Variants in RIMBP2 observed in about 807,000 individuals in gnomAD.
RIMBP2 encodes the protein RIMS binding protein 2.
Under a neutral mutation model 118.6 loss-of-function variants are expected in RIMBP2, and 48 were observed. The observed-to-expected ratio is 0.40, with a 90% CI of 0.32 to 0.51. The LOEUF is 0.51. Ranked by LOEUF, RIMBP2 falls within the 20% of genes least tolerant of loss-of-function variation. The pLI, the probability that RIMBP2 is intolerant of heterozygous loss-of-function variation, is 0.41. For missense variants in RIMBP2, 1,551 were observed against 1,768.3 expected, an observed-to-expected ratio of 0.88 and a Z score of 2.20; for synonymous variants, 762 against 742.9, an observed-to-expected ratio of 1.03 and a Z score of -0.42.
chr12:130,406,996 C>T (rs1168717252), intron 20 of RIMBP2, among the ~76,000 whole-genome samples: 2 of 152,168 alleles, frequency 1.3e-5, no homozygotes, highest in African/African-American at 4.8e-5. Flanking sequence ...CCAAAGCAGG[C>T]GGTGTCAAAC....
intron 1 of RIMBP2, among the ~76,000 whole-genome samples, chr12:130,694,561 A>G (rs1337525642): frequency 6.6e-6 from 1 of 152,012 alleles, no homozygotes; most frequent in Non-Finnish European, 1.5e-5. Flanking sequence ...CTCCTGCCCA[A>G]GGCCTTCTCG....
intron 2 of RIMBP2, among the ~76,000 whole-genome samples, chr12:130,605,349 G>A (rs1374804830): frequency 6.6e-6 from 1 of 152,228 alleles, no homozygotes; most frequent in South Asian, 2.1e-4. Context: ...ATCACGCGGG[G>A]AAACCGTGTT....
chr12:130,411,500 C>G (rs982586530), intron 19 of RIMBP2, among the ~76,000 whole-genome samples: 1 of 152,108 alleles, frequency 6.6e-6, no homozygotes, highest in African/African-American at 2.4e-5. Context: ...GCAGGGGGCA[C>G]ATAGATATAT....
chr12:130,488,411 G>C (rs1258831949), intron 4 of RIMBP2, among the ~76,000 whole-genome samples: 1 of 151,946 alleles, frequency 6.6e-6, no homozygotes, highest in Non-Finnish European at 1.5e-5. Context: ...GGAAAAGATA[G>C]CTCAGTCAGG....
chr12:130,438,040 C>T (rs978059879), intron 12 of RIMBP2, among the ~76,000 whole-genome samples: 7 of 152,208 alleles, frequency 4.6e-5, no homozygotes, highest in East Asian at 1.9e-4. Context: ...TGGGTATCAT[C>T]GTGCTAAGAC....
At chr12:130,561,751 G>T (rs889642561) in intron 2 of RIMBP2, among the ~76,000 whole-genome samples, 16 of 152,258 alleles carry the variant, frequency 1.1e-4, no homozygotes, top group Non-Finnish European at 2.1e-4. Flanking sequence ...TGAACGCAGA[G>T]GCAGCCATCC....
Position 130,646,429 on chromosome 12 carries a change from C to CA in RIMBP2, c.-351-17974_-351-17973insT, listed in dbSNP as rs1225370098. Among the ~76,000 whole-genome samples the CA allele has an allele frequency of 1.6e-3, 203 of 124,314 alleles. 78 individuals carry two copies. The highest frequency in any genetic ancestry group is 2.3e-3 in the Non-Finnish European group (122 of 53,838). 81.6% of individuals were successfully genotyped at this position (124,314 alleles called of 152,430 possible). On this transcript the variant is annotated intron_variant, in intron 1 of 22. Transcript: ENST00000690449. ...TCTCCACCTCCCTCACCACTTCCCT[C>CA]TCCACCTCCCTTGCCACCTCCCTCG... is the stretch of plus-strand genomic sequence containing the variant.
chr12:130,472,240 C>G (rs2081070515), intron 5 of RIMBP2: 1 of 152,242 alleles, frequency 6.6e-6, no homozygotes, highest in Non-Finnish European at 1.5e-5. Context: ...TTTGGGTTTT[C>G]TGTCGCTTGA....
intron 2 of RIMBP2, among the ~76,000 whole-genome samples, chr12:130,542,757 G>A (rs867635275): frequency 5.3e-5 from 8 of 152,278 alleles, no homozygotes; most frequent in South Asian, 4.1e-4. Flanking sequence ...TTCAACCTCC[G>A]GGAAAATGAA....
At chr12:130,514,599 G>A (rs1368103905) in intron 3 of RIMBP2, among the ~76,000 whole-genome samples, 1 of 152,154 alleles carries the variant, frequency 6.6e-6, no homozygotes, top group Non-Finnish European at 1.5e-5. Flanking sequence ...TTTAGTCGTA[G>A]GAAGAAAGCC....
rs144197823 is a variant in RIMBP2, at chr12:130,581,591, C to G, written c.-217+46731G>C. Among the ~76,000 whole-genome samples the G allele has an allele frequency of 5.3e-5, 8 of 152,228 alleles. No homozygotes were observed. The highest frequency in any genetic ancestry group is 8.8e-5 in the Non-Finnish European group (6 of 68,040). ...AGTAGGTGGCAATTCCAGGCTCTCGCGGCTCAGGCCTCAGACCTGTCGCCT... is the reference window on the plus strand; with the variant it reads ...AGTAGGTGGCAATTCCAGGCTCTCGGGGCTCAGGCCTCAGACCTGTCGCCT... On this transcript the variant is annotated intron_variant, in intron 2 of 22. Transcript: ENST00000690449. This position sits in a 1 kb window ranked among gnomAD's most constrained non-coding sequence, Gnocchi z 4.4.
intron 1 of RIMBP2, among the ~76,000 whole-genome samples, chr12:130,711,260 G>A (rs1406571198): frequency 2.6e-5 from 4 of 152,072 alleles, no homozygotes; most frequent in African/African-American, 9.7e-5. Context: ...AAAAAAAGAA[G>A]CTATCCAGCC....
chr12:130,450,112 A>G lies in RIMBP2; in HGVS notation c.581+88T>C. 1.2e-6 allele frequency: 1 copy of G among 836,162 alleles called. No individual in the cohort carries two copies. The highest frequency in any genetic ancestry group is 2.0e-6 in the Non-Finnish European group (1 of 511,964). 51.8% of individuals were successfully genotyped at this position (836,162 alleles called of 1,614,324 possible). ...TCTCCTCGTGCCCTGGGAGAAGGGA[A>G]CTTCTCAGACCCCAGAGTGTTCCCA... On this transcript the variant is annotated intron_variant, in intron 9 of 22. Coordinates refer to ENST00000690449, the MANE Select transcript of RIMBP2 (RefSeq NM_001393629.1). This position sits in a 1 kb window ranked among gnomAD's most constrained non-coding sequence, Gnocchi z 4.8.
intron 1 of RIMBP2, among the ~76,000 whole-genome samples, chr12:130,662,460 A>T (rs2063703818): frequency 6.6e-6 from 1 of 152,138 alleles, no homozygotes; most frequent in East Asian, 1.9e-4. Context: ...GATCGAGACC[A>T]TCCTGGCCAA....
At chr12:130,708,677 C>G (rs1474295256) in intron 1 of RIMBP2, among the ~76,000 whole-genome samples, 2 of 152,128 alleles carry the variant, frequency 1.3e-5, no homozygotes, top group African/African-American at 4.8e-5. Flanking sequence ...CACAGTGAGA[C>G]CCTGTCTCAA....
intron 2 of RIMBP2, among the ~76,000 whole-genome samples, chr12:130,566,257 C>T (rs561101412): frequency 6.6e-6 from 1 of 152,302 alleles, no homozygotes; most frequent in East Asian, 1.9e-4. Context: ...TTCTGGGCCC[C>T]ACTTCCTGTA....
chr12:130,422,093 A>AC lies in RIMBP2; in HGVS notation c.3238+359dup, dbSNP rs1356872453. ...GGTGGGGCTCACAGACCCCTGAGGC[A>AC]CGCTGACATCCAGCTTCTGCACCTG... On this transcript the variant is annotated intron_variant, in intron 17 of 22. Coordinates refer to ENST00000690449, the MANE Select transcript of RIMBP2 (RefSeq NM_001393629.1). The surrounding 1 kb of genome is among the most constrained non-coding windows in gnomAD (Gnocchi z 5.2). Among the ~76,000 whole-genome samples, 3 of 152,262 alleles carry AC rather than the reference A, an allele frequency of 2.0e-5. No individual in the cohort carries two copies. Among genetic ancestry groups the AC allele is most frequent in the African/African-American group, 7.2e-5 (3 of 41,556 alleles).
At chr12:130,664,755 C>T (rs1399116339) in intron 1 of RIMBP2, among the ~76,000 whole-genome samples, 1 of 151,802 alleles carries the variant, frequency 6.6e-6, no homozygotes, top group Admixed American at 6.5e-5. Context: ...TTTGAAGGAG[C>T]TCCCGCTGAC....
At chr12:130,608,354 A>T (rs969494349) in intron 2 of RIMBP2, among the ~76,000 whole-genome samples, 3 of 152,262 alleles carry the variant, frequency 2.0e-5, no homozygotes, top group Non-Finnish European at 4.4e-5. Context: ...TGCACAGCCC[A>T]CTGGCATTGC....
Sources: gnomAD v4.1 joint callset for allele counts (sites outside exome capture counted in the v4.1 genomes callset) on GRCh38, gnomAD v4.1.1 for gene constraint, Gnocchi (gnomAD v3.1) non-coding constraint, MANE v1.5 for transcripts, NCBI Gene and HGNC (gene_info 2026-07-23, HGNC 2026-07-21) for gene names.